ALX3: variants seen among roughly 807,000 people sequenced by gnomAD.
ALX3 encodes the protein homeobox protein aristaless-like 3.
A neutral mutation model predicts 26.3 loss-of-function variants in ALX3; 17 were observed. The ratio of observed to expected loss-of-function variants is 0.65; its 90% confidence interval spans 0.44 to 0.97. ALX3 has a LOEUF of 0.97. Among genes scored for constraint, ALX3 ranks in the 50% least tolerant of loss-of-function variants. ALX3 has a pLI of 0.00. For missense variants in ALX3, 461 were observed against 466.5 expected (o/e 0.99, Z 0.11); for synonymous variants, 208 against 201.4 (o/e 1.03, Z -0.28).
In ALX3 at chr1:110,060,730, C is replaced by G. The variant is rs199646849; in HGVS notation, c.*3G>C. 6 of 1,450,176 alleles carry G rather than the reference C, an allele frequency of 4.1e-6. No individual in the cohort carries two copies. In the African/African-American group the frequency reaches 5.9e-5, roughly 14 times the overall value. 89.8% of individuals were successfully genotyped at this position (1,450,176 alleles called of 1,614,324 possible). A position where few individuals can be genotyped will look rare whatever the true frequency, so the allele number is the denominator to read the frequency against. ...AGCTCATTCTGCAGGTCCATGCAACCGATCACGTGGTCCAGTTCAGAAGGC... is the reference window on the plus strand; with the variant it reads ...AGCTCATTCTGCAGGTCCATGCAACGGATCACGTGGTCCAGTTCAGAAGGC... On this transcript the variant is annotated 3_prime_UTR_variant, in exon 4 of 4. Coordinates refer to ENST00000647563, the MANE Select transcript of ALX3 (RefSeq NM_006492.3).
intron 2 of ALX3, 122 bp downstream of exon 2, chr1:110,064,465 G>T: frequency 8.2e-7 from 1 of 1,215,074 alleles, no homozygotes; most frequent in Non-Finnish European, 1.2e-6. Flanking sequence ...GGCTGGTGCA[G>T]GCCCCTGGGA....
chr1:110,062,941 T>C (rs1242761282), intron 2 of ALX3, among the ~76,000 whole-genome samples: 1 of 152,196 alleles, frequency 6.6e-6, no homozygotes, highest in Non-Finnish European at 1.5e-5. Flanking sequence ...CCATTCTCCC[T>C]TGGGGATCCC....
In ALX3 at chr1:110,060,962, G is replaced by A. The variant is rs753646963; in HGVS notation, c.803C>T (p.Ser268Phe). The part of the protein sequence containing the change: ...PCLVSPEGIP[S>F]PCMSPYSHPH... The stretch of plus-strand genomic sequence containing the variant: ...GTGGGAATATGGAGACATGCATGGG[G>A]AGGGGATGCCCTCTGGAGACACAAG... Residue 268 changes from serine to phenylalanine, a missense_variant, in exon 4 of 4, where the codon TCC becomes TTC. Ser to Phe is a radical substitution (Grantham distance 155). Transcript: ENST00000647563. The A allele has an allele frequency of 1.8e-5, 29 of 1,612,934 alleles. No individual in the cohort carries two copies. The South Asian group carries it at 3.0e-4, about 17-fold the overall frequency.
At chr1:110,062,478 A>G (rs189994743) in intron 2 of ALX3, 6 of 152,304 alleles carry the variant, frequency 3.9e-5, no homozygotes, top group East Asian at 1.9e-4. Flanking sequence ...TTGTATTTCT[A>G]TCATTTAATC....
Position 110,060,062 on chromosome 1 carries a change from G to A in ALX3, c.*671C>T, listed in dbSNP as rs192656741. The A allele has an allele frequency of 6.6e-6, 1 of 152,204 alleles. No homozygotes were observed. Among genetic ancestry groups the A allele is most frequent in the East Asian group, 1.9e-4 (1 of 5,172 alleles). The allele number at this position is 152,204 out of a possible 1,614,324, so 9.4% of individuals were successfully genotyped here. A position where few individuals can be genotyped will look rare whatever the true frequency, so the allele number is the denominator to read the frequency against. On this transcript the variant is annotated 3_prime_UTR_variant, in exon 4 of 4. Transcript: ENST00000647563. Reference sequence around the variant, plus strand: ...ATTTCCATGGCATAGCTCTGGGCTGGTCCCGTGGAAGAGATTCCAAATATG... The same window carrying A: ...ATTTCCATGGCATAGCTCTGGGCTGATCCCGTGGAAGAGATTCCAAATATG...
At chr1:110,065,469 C>G (rs140740360) in intron 1 of ALX3, among the ~76,000 whole-genome samples, 50 of 152,308 alleles carry the variant, frequency 3.3e-4, no homozygotes, top group African/African-American at 1.2e-3. Context: ...AGGTCAATAT[C>G]AAATTCCCCA....
Position 110,061,439 on chromosome 1 carries a change from G to T in ALX3, c.719C>A (p.Pro240His). The change falls in exon 3 of 4, where the codon CCT becomes CAT. Residue 240 changes from proline to histidine, a missense_variant. By Grantham distance (77) the Pro-to-His change is moderately conservative (BLOSUM62 -2). Transcript: ENST00000647563. ...ISVLPRTDSH[P>H]QLQNSLWASP... is the part of the protein sequence containing the mutation. Reference sequence around the variant, plus strand: ...CAGGTAGGGCTGGGGTCTTACCTGAGGGTGGCTGTCAGTACGGGGCAGCAC... The same window carrying T: ...CAGGTAGGGCTGGGGTCTTACCTGATGGTGGCTGTCAGTACGGGGCAGCAC... 6.2e-7 allele frequency: 1 copy of T among 1,614,240 alleles called. No homozygotes were observed. The highest frequency in any genetic ancestry group is 1.6e-4 in the Middle Eastern group (1 of 6,062).
At chr1:110,061,382 A>C in intron 3 of ALX3, 53 bp downstream of exon 3, 8 of 1,613,950 alleles carry the variant, frequency 5.0e-6, no homozygotes, top group Non-Finnish European at 1.7e-6. Flanking sequence ...CAGACCTCAT[A>C]TTCTTTTTGG....
At chr1:110,066,581 C>T (rs981203702) in intron 1 of ALX3, among the ~76,000 whole-genome samples, 1 of 130,250 alleles carries the variant, frequency 7.7e-6, no homozygotes, top group African/African-American at 2.9e-5. Flanking sequence ...ATCCCCCCCC[C>T]CCGCCCCCGC....
At position 110,061,471 on chromosome 1, in the gene ALX3, G is replaced by C. The variant is rs1653642762; in HGVS notation, c.687C>G (p.Asp229Glu). The C allele has an allele frequency of 1.2e-6, 2 of 1,614,116 alleles. No individual in the cohort carries two copies. Among genetic ancestry groups the C allele is most frequent in the Non-Finnish European group, 1.7e-6 (2 of 1,180,048 alleles). Residue 229 changes from aspartate to glutamate, a missense_variant, in exon 3 of 4, where the codon GAC (aspartate) becomes GAG (glutamate). Asp to Glu is a conservative substitution (Grantham distance 45, BLOSUM62 2). Coordinates refer to ENST00000647563, the MANE Select transcript of ALX3 (RefSeq NM_006492.3). ...TGTCAGTACGGGGCAGCACAGAGAT[G>C]TCATAGGCAGCCGTGAAGGGGTTCC... Reference protein sequence around the residue: ...EGRNPFTAAYDISVLPRTDSH... With the variant: ...EGRNPFTAAYEISVLPRTDSH...
rs1653768435 is a variant in ALX3, at chr1:110,065,855, A to G, written c.278-952T>C. Among the ~76,000 whole-genome samples the G allele has an allele frequency of 3.3e-5, 5 of 152,378 alleles. No individual in the cohort carries two copies. In the South Asian group the frequency reaches 1.0e-3, roughly 32 times the overall value. ...GCCTCACCATGGTGGATCGACCGAC[A>G]GAGCATGGTGAAAAATAGGTCACTC... On this transcript the variant is annotated intron_variant, in intron 1 of 3. Coordinates refer to ENST00000647563, the MANE Select transcript of ALX3 (RefSeq NM_006492.3).
rs551727925 is a variant in ALX3, at chr1:110,065,188, C to T, written c.278-285G>A. ...TTCGGGGAAGTGCTCTGTGGTGGTG[C>T]GTTCCACAGGGACGTGAGAGGACTG... is the stretch of plus-strand genomic sequence containing the variant. On this transcript the variant is annotated intron_variant, in intron 1 of 3. Coordinates refer to ENST00000647563, the MANE Select transcript of ALX3 (RefSeq NM_006492.3). Among the ~76,000 whole-genome samples, 68 of 152,262 alleles carry T rather than the reference C, an allele frequency of 4.5e-4. 1 individual carries two copies. Among genetic ancestry groups the T allele is most frequent in the Middle Eastern group, 6.8e-3 (2 of 294 alleles).
chr1:110,066,391 C>T (rs1653784684), intron 1 of ALX3, among the ~76,000 whole-genome samples: 1 of 152,224 alleles, frequency 6.6e-6, no homozygotes, highest in Non-Finnish European at 1.5e-5. Flanking sequence ...ACCAGGGCTC[C>T]TTCACAACTC....
intron 1 of ALX3, among the ~76,000 whole-genome samples, chr1:110,069,282 AG>A (rs531238866): frequency 1.2e-3 from 187 of 152,344 alleles, no homozygotes; most frequent in African/African-American, 4.2e-3. Context: ...CGAAAGCCGG[AG>A]ATGCCCGGCC....
chr1:110,060,883 G>T lies in ALX3; in HGVS notation c.882C>A (p.His294Gln). ...FMGVPAPSAA[H>Q]PGIYSIHGFP... ...AGCCATGGATGGAGTAGATGCCAGG[G>T]TGAGCCGCAGAAGGGGCTGGCACCC... is the stretch of plus-strand genomic sequence containing the variant. Residue 294 changes from histidine (H) to glutamine (Q), a missense_variant, in exon 4 of 4, where the codon CAC (histidine) becomes CAA (glutamine). By Grantham distance (24) the His-to-Gln change is conservative. This residue lies in a region of ALX3 where 169 missense variants were observed against 178.0 expected (regional missense o/e 0.95). Coordinates refer to ENST00000647563, the MANE Select transcript of ALX3 (RefSeq NM_006492.3). 3 of 1,613,920 alleles carry T rather than the reference G, an allele frequency of 1.9e-6. No homozygotes were observed. Among genetic ancestry groups the T allele is most frequent in the Non-Finnish European group, 2.5e-6 (3 of 1,179,956 alleles).
rs749815232 is a variant in ALX3 at position 110,060,928 on chromosome 1, C to T, written c.837G>A (p.Gly279=). The change falls in exon 4 of 4, where the codon GGG becomes GGA. Residue 279 remains glycine (G), a synonymous_variant. Coordinates refer to ENST00000647563, the MANE Select transcript of ALX3 (RefSeq NM_006492.3). The part of the protein sequence containing the change: ...PCMSPYSHPH[G]SVAGFMGVPA... ...GCACCCCCATGAAGCCAGCCACACT[C>T]CCATGGGGGTGGGAATATGGAGACA... The T allele has an allele frequency of 5.0e-6, 8 of 1,613,224 alleles. No homozygotes were observed. The highest frequency in any genetic ancestry group is 4.4e-5 in the South Asian group (4 of 91,014).
chr1:110,069,500 C>A (rs1315447104), intron 1 of ALX3, among the ~76,000 whole-genome samples: 1 of 152,188 alleles, frequency 6.6e-6, no homozygotes, highest in Non-Finnish European at 1.5e-5. Flanking sequence ...TGCCTTCAGG[C>A]GCATTCTCGG....
At chr1:110,063,772 C>T (rs937495792) in intron 2 of ALX3, among the ~76,000 whole-genome samples, 1 of 151,802 alleles carries the variant, frequency 6.6e-6, no homozygotes, top group African/African-American at 2.4e-5. Context: ...GAATGGCCAT[C>T]TTCCTCTTGG....
At chr1:110,062,644 T>TGCGCGCGCGCGCGCTG (rs1553196261) in intron 2 of ALX3, 3 of 63,354 alleles carry the variant, frequency 4.7e-5, no homozygotes, top group African/African-American at 2.4e-4. Context: ...TGTGTGTGTG[T>TGCGCGCGCGCGCGCTG]GGAGTAATCC....
Sources: allele counts gnomAD v4.1 joint callset (sites outside exome capture counted in the v4.1 genomes callset), GRCh38; gene constraint gnomAD v4.1.1; regional missense constraint gnomAD v4.1.1; transcripts MANE v1.5; gene names NCBI Gene and HGNC (gene_info 2026-07-23, HGNC 2026-07-21).